PCDH9: variants seen among roughly 807,000 people sequenced by gnomAD.
PCDH9 encodes the protein protocadherin-9.
PCDH9 carries 24 observed loss-of-function variants against 70.6 expected under a neutral mutation model. That is an observed-to-expected ratio of 0.34 (90% CI 0.25 to 0.48). The LOEUF is 0.48. Ranked by LOEUF, PCDH9 falls within the 20% of genes least tolerant of loss-of-function variation. The pLI, the probability that PCDH9 is intolerant of heterozygous loss-of-function variation, is 0.99. For missense variants in PCDH9, 1,281 were observed against 1,503.6 expected, an observed-to-expected ratio of 0.85 and a Z score of 2.45; for synonymous variants, 562 against 558.5, an observed-to-expected ratio of 1.01 and a Z score of -0.09.
At chr13:66,583,986 T>C (rs909740915) in intron 4 of PCDH9, among the ~76,000 whole-genome samples, 3 of 152,186 alleles carry the variant, frequency 2.0e-5, no homozygotes, top group Non-Finnish European at 4.4e-5. Context: ...TTTGTGTATG[T>C]TTTCTCTCAT....
chr13:67,208,430 A>C (rs939607332), intron 2 of PCDH9: 4 of 152,122 alleles, frequency 2.6e-5, no homozygotes, highest in African/African-American at 4.8e-5. Context: ...TTATTCCCCA[A>C]TGACATATTA....
At chr13:66,986,962 TTATGA>T (rs1182698849) in intron 2 of PCDH9, among the ~76,000 whole-genome samples, 1 of 151,966 alleles carries the variant, frequency 6.6e-6, no homozygotes, top group African/African-American at 2.4e-5. Context: ...CAGATGATGT[TTATGA>T]TATATTACCT....
At chr13:67,177,037 A>C (rs928138413) in intron 2 of PCDH9, among the ~76,000 whole-genome samples, 1 of 152,064 alleles carries the variant, frequency 6.6e-6, no homozygotes, top group African/African-American at 2.4e-5. Flanking sequence ...CTTGTCTGTT[A>C]TGAAAATTAA....
chr13:67,059,192 A>G (rs2085482191), intron 2 of PCDH9, among the ~76,000 whole-genome samples: 1 of 151,716 alleles, frequency 6.6e-6, no homozygotes, highest in Non-Finnish European at 1.5e-5. Context: ...TGCTACCCAG[A>G]AACTTTCATT....
chr13:66,949,175 G>T (rs1044886415), intron 2 of PCDH9, among the ~76,000 whole-genome samples: 2 of 152,168 alleles, frequency 1.3e-5, no homozygotes, highest in Admixed American at 1.3e-4. Context: ...GAGGATTCTA[G>T]CATTTATCCA....
At chr13:66,643,150 A>G (rs1035486566) in intron 3 of PCDH9, among the ~76,000 whole-genome samples, 1 of 152,098 alleles carries the variant, frequency 6.6e-6, no homozygotes, top group Admixed American at 6.5e-5. Flanking sequence ...TTTAATAAAC[A>G]TTAATCAGTA....
intron 4 of PCDH9, among the ~76,000 whole-genome samples, chr13:66,383,204 G>A (rs537631285): frequency 1.3e-5 from 2 of 152,284 alleles, no homozygotes; most frequent in East Asian, 1.9e-4. Context: ...TAAGAAAAAG[G>A]AGATGCAATG....
At chr13:67,115,112 G>A (rs1382976671) in intron 2 of PCDH9, among the ~76,000 whole-genome samples, 3 of 152,244 alleles carry the variant, frequency 2.0e-5, no homozygotes, top group African/African-American at 4.8e-5. Flanking sequence ...TTGACCACAC[G>A]CTAATCTCCC....
chr13:67,148,280 A>G (rs556081537), intron 2 of PCDH9, among the ~76,000 whole-genome samples: 196 of 151,958 alleles, frequency 1.3e-3, no homozygotes, highest in Non-Finnish European at 2.4e-3. Context: ...AAGGAAATAT[A>G]CTACTGAATA....
intron 4 of PCDH9, among the ~76,000 whole-genome samples, chr13:66,598,508 A>G (rs935278294): frequency 6.6e-6 from 1 of 151,848 alleles, no homozygotes; most frequent in African/African-American, 2.4e-5. Context: ...AAAATGGCTC[A>G]GGGAACAACC....
At chr13:66,359,111 A>G (rs944118844) in intron 4 of PCDH9, among the ~76,000 whole-genome samples, 2 of 152,048 alleles carry the variant, frequency 1.3e-5, no homozygotes, top group Admixed American at 6.6e-5. Context: ...CACAGTTGAC[A>G]TTGAGTTATA....
At chr13:66,980,530 A>G (rs2083721794) in intron 2 of PCDH9, among the ~76,000 whole-genome samples, 2 of 152,056 alleles carry the variant, frequency 1.3e-5, no homozygotes, top group Non-Finnish European at 2.9e-5. Context: ...CACAATTTGA[A>G]TATTACTTCC....
At chr13:67,020,067 T>G (rs1486638849) in intron 2 of PCDH9, among the ~76,000 whole-genome samples, 1 of 152,202 alleles carries the variant, frequency 6.6e-6, no homozygotes, top group Non-Finnish European at 1.5e-5. Context: ...TTCCATAATA[T>G]TTTACATTTC....
chr13:67,097,248 C>T lies in PCDH9; in HGVS notation c.3036+128157G>A, dbSNP rs528592376. Among the ~76,000 whole-genome samples the T allele has an allele frequency of 4.6e-5, 7 of 151,090 alleles. No homozygotes were observed. In the East Asian group the frequency reaches 5.9e-4, roughly 13 times the overall value. On this transcript the variant is annotated intron_variant, in intron 2 of 4. Coordinates refer to ENST00000377865, the MANE Select transcript of PCDH9 (RefSeq NM_203487.3). ...TCCAGCCTGGGCAATAGAGTGAGAC[C>T]GTGTTTCAAAAAAAAAGCAAAAAAT... is the stretch of plus-strand genomic sequence containing the variant.
At chr13:66,613,800 C>A (rs1171015685) in intron 4 of PCDH9, among the ~76,000 whole-genome samples, 1 of 152,052 alleles carries the variant, frequency 6.6e-6, no homozygotes, top group African/African-American at 2.4e-5. Flanking sequence ...GCACTGGGAT[C>A]AAATACTTTT....
At chr13:66,679,274 C>G (rs1168133038) in intron 3 of PCDH9, among the ~76,000 whole-genome samples, 1 of 151,492 alleles carries the variant, frequency 6.6e-6, no homozygotes, top group African/African-American at 2.4e-5. Context: ...ATGATTATAT[C>G]ATAATGGTCA....
intron 2 of PCDH9, among the ~76,000 whole-genome samples, chr13:66,909,566 G>C (rs531428562): frequency 6.6e-6 from 1 of 152,116 alleles, no homozygotes; most frequent in Admixed American, 6.6e-5. Flanking sequence ...TCAGGAGATG[G>C]AGACCATCCT....
intron 2 of PCDH9, among the ~76,000 whole-genome samples, chr13:66,912,717 T>C (rs1332620604): frequency 6.6e-6 from 1 of 151,958 alleles, no homozygotes; most frequent in African/African-American, 2.4e-5. Context: ...TATTTATTTA[T>C]AAATTTATAA....
At chr13:66,934,966 C>T (rs555056078) in intron 2 of PCDH9, among the ~76,000 whole-genome samples, 1 of 151,470 alleles carries the variant, frequency 6.6e-6, no homozygotes, top group Admixed American at 6.6e-5. Flanking sequence ...GTGATCCGCC[C>T]GCCTCGGCCT....
Sources: gnomAD v4.1 joint callset for allele counts (sites outside exome capture counted in the v4.1 genomes callset) on GRCh38, gnomAD v4.1.1 for gene constraint, MANE v1.5 for transcripts, NCBI Gene and HGNC (gene_info 2026-07-23, HGNC 2026-07-21) for gene names.